ARHGEF4: variants seen among roughly 807,000 people sequenced by gnomAD.
ARHGEF4 encodes Rho guanine nucleotide exchange factor 4, also known as APC-stimulated guanine nucleotide exchange factor 1.
ARHGEF4 carries 119 observed loss-of-function variants against 162.0 expected under a neutral mutation model. The ratio of observed to expected loss-of-function variants is 0.73; its 90% confidence interval spans 0.63 to 0.86. The LOEUF (loss-of-function observed/expected upper bound fraction) is 0.86. ARHGEF4 is among the 40% of genes least tolerant of loss of function. ARHGEF4 has a pLI of 0.00. For synonymous variants in ARHGEF4, 1,014 were observed against 979.9 expected (o/e 1.03, Z -0.65); for missense variants, 2,488 against 2,456.0 (o/e 1.01, Z -0.28).
At chr2:130,952,315 C>A (rs1398518101) in intron 4 of ARHGEF4, among the ~76,000 whole-genome samples, 1 of 152,058 alleles carries the variant, frequency 6.6e-6, no homozygotes, top group Non-Finnish European at 1.5e-5. Context: ...GCCAAGATTT[C>A]TTTTTTAAAA....
chr2:131,004,574 G>A (rs1687992026), intron 4 of ARHGEF4, among the ~76,000 whole-genome samples: 1 of 152,124 alleles, frequency 6.6e-6, no homozygotes, highest in African/African-American at 2.4e-5. Context: ...CCCACTTGGT[G>A]GCAGAGTGCG....
intron 2 of ARHGEF4, among the ~76,000 whole-genome samples, chr2:130,919,043 C>T: frequency 6.6e-6 from 1 of 152,136 alleles, no homozygotes; most frequent in South Asian, 2.1e-4. Context: ...AATTACACCG[C>T]GGGGTCAGAC....
At chr2:130,927,076 A>T (rs1259732239) in intron 2 of ARHGEF4, among the ~76,000 whole-genome samples, 5 of 151,854 alleles carry the variant, frequency 3.3e-5, no homozygotes, top group East Asian at 3.9e-4. Flanking sequence ...TTTGTGGTTT[A>T]TGGTCATGTT....
At chr2:130,841,588 A>G (rs1265080166) in intron 1 of ARHGEF4, among the ~76,000 whole-genome samples, 1 of 152,002 alleles carries the variant, frequency 6.6e-6, no homozygotes, top group East Asian at 1.9e-4. Flanking sequence ...TCATCTGTAG[A>G]ATTTCCACCA....
At chr2:130,873,873 C>T (rs1198726909) in intron 1 of ARHGEF4, among the ~76,000 whole-genome samples, 2 of 152,102 alleles carry the variant, frequency 1.3e-5, no homozygotes, top group Non-Finnish European at 2.9e-5. Context: ...GAAGTGACAG[C>T]TGTTTGGGGT....
chr2:130,963,489 C>T (rs1684760585), intron 4 of ARHGEF4, among the ~76,000 whole-genome samples: 1 of 152,024 alleles, frequency 6.6e-6, no homozygotes, highest in Non-Finnish European at 1.5e-5. Context: ...CGCCCACCAG[C>T]CCTCCTCACC....
chr2:130,906,335 A>G (rs1274578721), intron 1 of ARHGEF4, among the ~76,000 whole-genome samples: 1 of 152,234 alleles, frequency 6.6e-6, no homozygotes, highest in African/African-American at 2.4e-5. Context: ...CATACGTTGT[A>G]TATATTAACC....
intron 5 of ARHGEF4, among the ~76,000 whole-genome samples, chr2:131,037,250 A>G (rs1690367520): frequency 6.6e-6 from 1 of 152,060 alleles, no homozygotes; most frequent in African/African-American, 2.4e-5. Flanking sequence ...CAGGAAAGAG[A>G]AGGTTTGTCC....
intron 4 of ARHGEF4, among the ~76,000 whole-genome samples, chr2:131,023,074 C>CAAAAAAAA (rs56868632): frequency 0.1 from 6,687 of 66,480 alleles, 2,306 homozygotes; most frequent in East Asian, 0.13. Context: ...AACCCTGTCT[C>CAAAAAAAA]AAAAAAAAAA....
rs545898223 is a variant in ARHGEF4 at position 131,018,586 on chromosome 2, A to G, written c.3986-9359A>G. 1.7e-4 allele frequency among the ~76,000 whole-genome samples: 26 copies of G among 152,310 alleles called. No homozygotes were observed. The East Asian group carries it at 4.8e-3, about 28-fold the overall frequency. On this transcript the variant is annotated intron_variant, in intron 4 of 13. Coordinates refer to ENST00000409359, the MANE Select transcript of ARHGEF4 (RefSeq NM_001367493.1). ...TCTTGATACTGTCCTTTAATGCACA[A>G]AAGATTTAAATTTTGATACAGTTCA...
chr2:130,990,399 A>ATTT (rs1479652210), intron 4 of ARHGEF4, among the ~76,000 whole-genome samples: 4 of 152,098 alleles, frequency 2.6e-5, no homozygotes, highest in African/African-American at 4.8e-5. Flanking sequence ...GTTAAAATAG[A>ATTT]TTTATTATTA....
chr2:131,013,642 C>T (rs1202950283), intron 4 of ARHGEF4, among the ~76,000 whole-genome samples: 2 of 152,136 alleles, frequency 1.3e-5, no homozygotes, highest in East Asian at 3.8e-4. Flanking sequence ...GCTCTGTTGC[C>T]CAGACTGGAG....
rs1385688668 is a variant in ARHGEF4 at position 130,916,587 on chromosome 2, G to A, written c.2641G>A (p.Gly881Arg). The change falls in exon 2 of 14, where the codon GGG becomes AGG. Residue 881 changes from glycine (G) to arginine (R), a missense_variant. By Grantham distance (125) the Gly-to-Arg change is moderately radical. Transcript: ENST00000409359. ...AGGAGCGGGGCACACGGGGACCTCA[G>A]GGGATCTTGGTAGCCGAGGGCCTTC... ...PAGAGHTGTS[G>R]DLGSRGPSSE... 2 of 1,550,418 alleles carry A rather than the reference G, an allele frequency of 1.3e-6. No individual in the cohort carries two copies. The highest frequency in any genetic ancestry group is 1.4e-5 in the African/African-American group (1 of 73,074).
At chr2:130,912,410 C>T (rs182725031) in intron 1 of ARHGEF4, among the ~76,000 whole-genome samples, 25 of 152,296 alleles carry the variant, frequency 1.6e-4, no homozygotes, top group Admixed American at 4.6e-4. Context: ...TTTTCTATTC[C>T]GAACGCCTTC....
chr2:130,915,565 T>C lies in ARHGEF4; in HGVS notation c.1619T>C (p.Leu540Ser), dbSNP rs201207227. Residue 540 changes from leucine (L) to serine (S), a missense_variant, in exon 2 of 14, where the codon TTG (leucine) becomes TCG (serine). Physicochemically the swap from Leu to Ser is moderately radical, Grantham distance 145. This residue lies in a region of ARHGEF4 where 1,642 missense variants were observed against 1,481.5 expected (regional missense o/e 1.11). Transcript: ENST00000409359. ...SEGTQVWSGD[L>S]MGCLEVSDSS... ...GGGACCCAGGTGTGGAGTGGAGACTTGATGGGCTGCTTGGAAGTGAGTGAC... is the reference window on the plus strand; with the variant it reads ...GGGACCCAGGTGTGGAGTGGAGACTCGATGGGCTGCTTGGAAGTGAGTGAC... The C allele has an allele frequency of 7.6e-4, 1,183 of 1,550,170 alleles. No homozygotes were observed. The highest frequency in any genetic ancestry group is 9.8e-4 in the Non-Finnish European group (1,120 of 1,146,932).
At chr2:130,985,962 T>C (rs1450058122) in intron 4 of ARHGEF4, among the ~76,000 whole-genome samples, 2 of 151,738 alleles carry the variant, frequency 1.3e-5, no homozygotes, top group Non-Finnish European at 2.9e-5. Flanking sequence ...GTGTGTGTGG[T>C]GTGCACTGAA....
rs10193910 is a variant in ARHGEF4 at position 130,967,986 on chromosome 2, T to C, written c.3985+21351T>C. 6.0e-3 allele frequency among the ~76,000 whole-genome samples: 921 copies of C among 152,284 alleles called. 8 individuals are homozygous for C. The highest frequency in any genetic ancestry group is 0.021 in the African/African-American group (889 of 41,544). ...CCAACCAGATAAGTTCCCCAAGCCT[T>C]GGTGTTCAGGGTGGAGGTCAGTTAT... On this transcript the variant is annotated intron_variant, in intron 4 of 13. Coordinates refer to ENST00000409359, the MANE Select transcript of ARHGEF4 (RefSeq NM_001367493.1).
intron 1 of ARHGEF4, among the ~76,000 whole-genome samples, chr2:130,873,601 A>G (rs1488464676): frequency 6.6e-6 from 1 of 151,248 alleles, no homozygotes; most frequent in Non-Finnish European, 1.5e-5. Context: ...AAAAAAAAAA[A>G]GGAAAAGAAA....
chr2:131,026,759 T>C (rs550521923), intron 4 of ARHGEF4, among the ~76,000 whole-genome samples: 1 of 152,260 alleles, frequency 6.6e-6, no homozygotes, highest in South Asian at 2.1e-4. Flanking sequence ...CTGGCTGGGA[T>C]GTGGAGGGAT....
Sources: allele counts gnomAD v4.1 joint callset (sites outside exome capture counted in the v4.1 genomes callset), GRCh38; gene constraint gnomAD v4.1.1; regional missense constraint gnomAD v4.1.1; transcripts MANE v1.5; gene names NCBI Gene and HGNC (gene_info 2026-07-23, HGNC 2026-07-21).